DRC10: variants seen among roughly 807,000 people sequenced by gnomAD.
DRC10 encodes dynein regulatory complex subunit 10.
the DRC10 span, chr12:113,195,889 C>T: frequency 6.2e-7 from 1 of 1,600,332 alleles, no homozygotes; most frequent in Non-Finnish European, 8.5e-7. Flanking sequence ...TCCAACTCCT[C>T]CTGGGGTGAG....
chr12:113,213,613 G>T, the DRC10 span, among the ~76,000 whole-genome samples: 1 of 152,220 alleles, frequency 6.6e-6, no homozygotes, highest in Admixed American at 6.5e-5. Context: ...CAGCTAGGAA[G>T]TGACAGGGCC....
chr12:113,196,449 G>A, the DRC10 span, among the ~76,000 whole-genome samples: 11 of 152,214 alleles, frequency 7.2e-5, no homozygotes, highest in East Asian at 5.8e-4. Flanking sequence ...ATTTACACCC[G>A]TTTTCCTTCC....
chr12:113,199,372 G>A, the DRC10 span, among the ~76,000 whole-genome samples: 1 of 151,540 alleles, frequency 6.6e-6, no homozygotes, highest in Non-Finnish European at 1.5e-5. Flanking sequence ...CTCTGGCATG[G>A]GTGACAGAGT....
At chr12:113,205,417 CAG>C in the DRC10 span, among the ~76,000 whole-genome samples, 4 of 151,948 alleles carry the variant, frequency 2.6e-5, no homozygotes, top group African/African-American at 9.7e-5. Context: ...CCTGTAGTCC[CAG>C]AGACTCGGGA....
the DRC10 span, among the ~76,000 whole-genome samples, chr12:113,211,258 T>A: frequency 1.3e-5 from 2 of 152,170 alleles, no homozygotes; most frequent in African/African-American, 4.8e-5. Flanking sequence ...ATTATTGTAT[T>A]TTTATTTTTG....
chr12:113,197,190 C>CTTT, the DRC10 span, among the ~76,000 whole-genome samples: 5 of 119,946 alleles, frequency 4.2e-5, no homozygotes, highest in South Asian at 3.1e-4. Context: ...TAGCCAGTCG[C>CTTT]TTTTTTTTTT....
chr12:113,195,717 GC>G, the DRC10 span: 12 of 1,613,738 alleles, frequency 7.4e-6, no homozygotes, highest in Non-Finnish European at 8.5e-6. Flanking sequence ...GAGCGTGGCC[GC>G]CCGTACCATG....
the DRC10 span, among the ~76,000 whole-genome samples, chr12:113,217,232 A>C: frequency 1.0e-3 from 152 of 152,294 alleles, no homozygotes; most frequent in African/African-American, 3.4e-3. Context: ...GTCTTAGCTC[A>C]ATGGCTACCC....
At chr12:113,204,874 A>G in the DRC10 span, among the ~76,000 whole-genome samples, 1 of 152,054 alleles carries the variant, frequency 6.6e-6, no homozygotes, top group East Asian at 1.9e-4. Context: ...GGCTGCAGTA[A>G]GCTGAGATCA....
the DRC10 span, chr12:113,197,508 G>A: frequency 1.4e-6 from 2 of 1,425,154 alleles, no homozygotes; most frequent in African/African-American, 2.8e-5. Context: ...CTTGGGAAAA[G>A]CATGCGAGAG....
the DRC10 span, among the ~76,000 whole-genome samples, chr12:113,208,970 C>T: frequency 5.3e-5 from 8 of 152,160 alleles, no homozygotes; most frequent in African/African-American, 1.4e-4. Flanking sequence ...CTTGCTCTGT[C>T]GCCCAGGCTG....
At chr12:113,210,703 A>G in the DRC10 span, among the ~76,000 whole-genome samples, 1 of 101,674 alleles carries the variant, frequency 9.8e-6, no homozygotes, top group African/African-American at 4.0e-5. Context: ...TAACATCCCC[A>G]TCCCTCACCC....
the DRC10 span, chr12:113,200,163 T>G: frequency 2.9e-6 from 1 of 345,662 alleles, no homozygotes; most frequent in Non-Finnish European, 5.7e-6. Flanking sequence ...TTCTGAGGTG[T>G]GAAATCGGCA....
chr12:113,195,826 G>A, the DRC10 span: 34 of 1,613,634 alleles, frequency 2.1e-5, no homozygotes, highest in East Asian at 3.1e-4. Flanking sequence ...TTGTGCCTCC[G>A]CCTGAGCTCC....
At chr12:113,206,085 T>G in the DRC10 span, 5 of 151,122 alleles carry the variant, frequency 3.3e-5, no homozygotes, top group African/African-American at 1.2e-4. Flanking sequence ...CTGGGTATGG[T>G]GGTGGGCACC....
At chr12:113,216,373 G>T in the DRC10 span, among the ~76,000 whole-genome samples, 1 of 152,196 alleles carries the variant, frequency 6.6e-6, no homozygotes, top group Non-Finnish European at 1.5e-5. Flanking sequence ...AGGGCTGGGG[G>T]AAGGGAGGGA....
chr12:113,202,080 C>G, the DRC10 span, among the ~76,000 whole-genome samples: 7 of 152,340 alleles, frequency 4.6e-5, no homozygotes, highest in East Asian at 1.2e-3. Flanking sequence ...GTCCCTCTGC[C>G]TATTCCTAGA....
the DRC10 span, among the ~76,000 whole-genome samples, chr12:113,214,832 T>C: frequency 1.3e-5 from 2 of 152,194 alleles, no homozygotes; most frequent in Admixed American, 6.5e-5. Context: ...GTTTTTTTTT[T>C]CTTTCTGTGA....
the DRC10 span, among the ~76,000 whole-genome samples, chr12:113,210,792 C>G: frequency 6.6e-6 from 1 of 151,768 alleles, no homozygotes; most frequent in African/African-American, 2.4e-5. Context: ...CTATATGCAC[C>G]TGTTTATTTG....
Sources: allele counts gnomAD v4.1 joint callset (sites outside exome capture counted in the v4.1 genomes callset), GRCh38; gene constraint gnomAD v4.1.1; transcripts MANE v1.5; gene names NCBI Gene and HGNC (gene_info 2026-07-23, HGNC 2026-07-21).